WDPCP: variants seen among roughly 807,000 people sequenced by gnomAD.
WDPCP encodes WD repeat containing planar cell polarity effector, also known as WD repeat-containing and planar cell polarity effector protein fritz homolog.
Under a neutral mutation model 93.1 loss-of-function variants are expected in WDPCP, and 71 were observed. The ratio of observed to expected loss-of-function variants is 0.76; its 90% CI spans 0.63 to 0.93. The LOEUF is 0.93. WDPCP is among the 40% of genes least tolerant of loss of function. The probability of loss-of-function intolerance (pLI) is 0.00; values close to 1 mark genes in which losing one functional copy is unlikely to be tolerated. For missense variants in WDPCP, 844 were observed against 887.4 expected (o/e 0.95, Z 0.62); for synonymous variants, 315 against 315.0 (o/e 1.00, Z 0.00).
In WDPCP at chr2:63,313,276, A is replaced by T. The variant is rs761696659; in HGVS notation, c.1784T>A (p.Val595Asp). ...AAAGAGGTCACGAGCACCAACGTCA[A>T]CAGCTAGGAGAAATGCCTTTTCAAA... The part of the protein sequence containing the change: ...QRFEKAFLLA[V>D]DVGARDLFMD... The change falls in exon 13 of 18, where the codon GTT (valine) becomes GAT (aspartate). Residue 595 changes from valine (V) to aspartate (D), a missense_variant. Physicochemically the swap from Val to Asp is radical, Grantham distance 152. Transcript: ENST00000272321. 2.0e-5 allele frequency: 33 copies of T among 1,613,702 alleles called. No homozygotes were observed. Among genetic ancestry groups the T allele is most frequent in the Non-Finnish European group, 2.5e-5 (29 of 1,179,808 alleles).
At chr2:63,420,425 T>G (rs1042511292) in intron 9 of WDPCP, among the ~76,000 whole-genome samples, 1 of 150,228 alleles carries the variant, frequency 6.7e-6, no homozygotes, top group Non-Finnish European at 1.5e-5. Context: ...TCCCAGCTAT[T>G]CGGGAGGCTG....
chr2:63,347,639 G>A (rs1689282818), intron 12 of WDPCP, among the ~76,000 whole-genome samples: 1 of 152,092 alleles, frequency 6.6e-6, no homozygotes, highest in East Asian at 1.9e-4. Context: ...TGTAGTCATG[G>A]AAAAAGAATG....
At chr2:63,386,365 TAAGTA>T (rs1021133158) in intron 10 of WDPCP, among the ~76,000 whole-genome samples, 1 of 151,954 alleles carries the variant, frequency 6.6e-6, no homozygotes, top group Non-Finnish European at 1.5e-5. Context: ...AACTCAAGAA[TAAGTA>T]AAGAAAAAAT....
chr2:63,250,332 C>T (rs1221472907), intron 14 of WDPCP, among the ~76,000 whole-genome samples: 4 of 152,264 alleles, frequency 2.6e-5, no homozygotes, highest in Admixed American at 2.6e-4. Flanking sequence ...CATCACACTA[C>T]TCAACAGTGC....
At chr2:63,586,888 G>A (rs1027236215) in intron 1 of WDPCP, among the ~76,000 whole-genome samples, 2 of 152,160 alleles carry the variant, frequency 1.3e-5, no homozygotes, top group Non-Finnish European at 2.9e-5. Context: ...AGATTGTTTT[G>A]TTATACTTTA....
At position 63,659,958 on chromosome 2, in the gene WDPCP, C is replaced by G. The variant is rs150826245; in HGVS notation, n.309-9120G>C. Among the ~76,000 whole-genome samples, 450 of 152,272 alleles carry G rather than the reference C, an allele frequency of 3.0e-3. 2 individuals carry two copies. The highest frequency in any genetic ancestry group is 0.01 in the African/African-American group (421 of 41,556). On this transcript the variant is annotated intron_variant and non_coding_transcript_variant, in intron 2 of 4. Coordinates refer to the WDPCP transcript ENST00000467687. ...TAATAATCTTTGCAAAGATACAACTCTGGCCACAATTTGGCTTTTAAATAA... is the reference window on the plus strand; with the variant it reads ...TAATAATCTTTGCAAAGATACAACTGTGGCCACAATTTGGCTTTTAAATAA...
chr2:63,642,554 T>C (rs1216421047), intron 3 of WDPCP: 1 of 152,014 alleles, frequency 6.6e-6, no homozygotes, highest in Non-Finnish European at 1.5e-5. Context: ...TTTATTTTAT[T>C]TGTGGCTATT....
intron 1 of WDPCP, among the ~76,000 whole-genome samples, chr2:63,580,159 A>G (rs1048055033): frequency 6.6e-6 from 1 of 152,228 alleles, no homozygotes; most frequent in Non-Finnish European, 1.5e-5. Flanking sequence ...ATGTAGGAGC[A>G]GCAAACAAAG....
chr2:63,563,646 T>C (rs1469978492), intron 1 of WDPCP, among the ~76,000 whole-genome samples: 1 of 152,144 alleles, frequency 6.6e-6, no homozygotes, highest in Non-Finnish European at 1.5e-5. Flanking sequence ...GGTTTCAATG[T>C]ATCCCTTAAG....
intron 1 of WDPCP, among the ~76,000 whole-genome samples, chr2:63,540,742 G>T (rs1704647725): frequency 6.6e-6 from 1 of 151,902 alleles, no homozygotes; most frequent in Admixed American, 6.6e-5. Context: ...TGATATAGTG[G>T]TTTTTTTGTT....
chr2:63,403,143 G>A (rs889886205), intron 10 of WDPCP, among the ~76,000 whole-genome samples: 5 of 152,080 alleles, frequency 3.3e-5, no homozygotes, highest in African/African-American at 7.2e-5. Flanking sequence ...GGAGCTGAAC[G>A]CCATTATCCT....
At chr2:63,659,708 T>C (rs1186826804) in intron 2 of WDPCP, among the ~76,000 whole-genome samples, 1 of 152,198 alleles carries the variant, frequency 6.6e-6, no homozygotes, top group Non-Finnish European at 1.5e-5. Context: ...TCACCTAGTG[T>C]GTGGCAATTT....
At chr2:63,502,981 CTAAAAG>C (rs1360192708) in intron 1 of WDPCP, among the ~76,000 whole-genome samples, 1 of 152,148 alleles carries the variant, frequency 6.6e-6, no homozygotes, top group African/African-American at 2.4e-5. Context: ...ACCGTTCTTA[CTAAAAG>C]AGGTTAGAAC....
intron 1 of WDPCP, among the ~76,000 whole-genome samples, chr2:63,583,814 T>C (rs1032335662): frequency 9.9e-5 from 15 of 152,248 alleles, no homozygotes; most frequent in African/African-American, 3.4e-4. Context: ...CCATGTTTCA[T>C]ATAAAATAGG....
intron 2 of WDPCP, among the ~76,000 whole-genome samples, chr2:63,759,641 G>A (rs1020514143): frequency 6.6e-6 from 1 of 152,150 alleles, no homozygotes; most frequent in African/African-American, 2.4e-5. Flanking sequence ...GAGATTTCAA[G>A]CAGCCAGGGG....
At chr2:63,786,451 T>C (rs1267650729) in intron 2 of WDPCP, among the ~76,000 whole-genome samples, 1 of 152,292 alleles carries the variant, frequency 6.6e-6, no homozygotes, top group South Asian at 2.1e-4. Flanking sequence ...ACCATTTTAG[T>C]CCAAAGCTAC....
chr2:63,830,680 CA>C (rs1671178699), upstream of WDPCP, among the ~76,000 whole-genome samples: 1 of 152,108 alleles, frequency 6.6e-6, no homozygotes, highest in East Asian at 1.9e-4. Flanking sequence ...CATAACTGGC[CA>C]TATCTGATAC....
chr2:63,757,221 T>G (rs969040219), intron 2 of WDPCP, among the ~76,000 whole-genome samples: 1 of 152,134 alleles, frequency 6.6e-6, no homozygotes, highest in Admixed American at 6.5e-5. Flanking sequence ...AAAAGGAGCA[T>G]CTCAAAATCA....
rs4671521 is a variant in WDPCP, at chr2:63,614,035, T to C, written n.488+36624A>G. Among the ~76,000 whole-genome samples the C allele has an allele frequency of 8.1e-3, 1,235 of 152,262 alleles. 24 individuals are homozygous for C. Among genetic ancestry groups the C allele is most frequent in the Admixed American group, 0.039 (589 of 15,294 alleles). On this transcript the variant is annotated intron_variant and non_coding_transcript_variant, in intron 3 of 4. Coordinates refer to the WDPCP transcript ENST00000467687. ...CCTGGGAGACTTTATTTACATAATA[T>C]AAGAACCTCCGTTCACAGGGAAGTT...
Sources: allele counts gnomAD v4.1 joint callset (sites outside exome capture counted in the v4.1 genomes callset), GRCh38; gene constraint gnomAD v4.1.1; transcripts MANE v1.5; gene names NCBI Gene and HGNC (gene_info 2026-07-23, HGNC 2026-07-21).